The following RUNX2 variants were observed in gnomAD, a reference collection of about 807,000 sequenced individuals.
The protein encoded by RUNX2 is runt-related transcription factor 2.
RUNX2 carries 10 observed loss-of-function variants against 51.7 expected under a neutral mutation model. The observed-to-expected ratio is 0.19, with a 90% CI of 0.12 to 0.33. The LOEUF is 0.33. RUNX2 is among the 10% of genes least tolerant of loss of function. The pLI, the probability that RUNX2 is intolerant of heterozygous loss-of-function variation, is 1.00. For missense variants in RUNX2, 562 were observed against 691.3 expected (o/e 0.81, Z 2.10); for synonymous variants, 276 against 273.6 (o/e 1.01, Z -0.09).
chr6:45,328,652 T>C lies in RUNX2; in HGVS notation c.-66-9T>C. 1 of 1,611,006 alleles carries C rather than the reference T, an allele frequency of 6.2e-7. No individual in the cohort carries two copies. On this transcript the variant is annotated splice_polypyrimidine_tract_variant and intron_variant, in intron 1 of 8. Transcript: ENST00000647337. The stretch of plus-strand genomic sequence containing the variant: ...TAAAACAAGGTTTGGGTATGGTTTG[T>C]ATTTTCAGTTTAAGGCTGCAAGCAG...
intron 5 of RUNX2, among the ~76,000 whole-genome samples, chr6:45,458,176 G>A (rs184696974): frequency 1.0e-3 from 158 of 152,122 alleles, no homozygotes; most frequent in African/African-American, 3.8e-3. Context: ...ACAGGTGCCT[G>A]CCACCATGCC....
intron 2 of RUNX2, among the ~76,000 whole-genome samples, chr6:45,390,161 A>G (rs2150346531): frequency 6.6e-6 from 1 of 152,344 alleles, no homozygotes; most frequent in African/African-American, 2.4e-5. Context: ...CAACCTTCAG[A>G]TTCTTTGGCT....
intron 7 of RUNX2, among the ~76,000 whole-genome samples, chr6:45,543,289 G>T (rs1316759148): frequency 6.6e-6 from 1 of 152,110 alleles, no homozygotes; most frequent in African/African-American, 2.4e-5. Context: ...ATCTAGTGTT[G>T]GCTATAGCAC....
intron 7 of RUNX2, among the ~76,000 whole-genome samples, chr6:45,543,192 G>A (rs1362347648): frequency 3.3e-5 from 5 of 152,146 alleles, no homozygotes; most frequent in Admixed American, 1.3e-4. Context: ...GAAAATGCAC[G>A]ATGATTATCT....
intron 2 of RUNX2, among the ~76,000 whole-genome samples, chr6:45,350,238 T>C (rs1330361269): frequency 1.3e-5 from 2 of 152,194 alleles, no homozygotes; most frequent in African/African-American, 2.4e-5. Flanking sequence ...GAATGGTGCA[T>C]AGTACACAGT....
chr6:45,369,962 CAG>C (rs1795779861), intron 2 of RUNX2, among the ~76,000 whole-genome samples: 1 of 152,020 alleles, frequency 6.6e-6, no homozygotes, highest in Non-Finnish European at 1.5e-5. Flanking sequence ...GATATGAACA[CAG>C]GGGTAGCAAG....
chr6:45,449,491 A>G (rs1799096848), intron 5 of RUNX2, among the ~76,000 whole-genome samples: 1 of 152,230 alleles, frequency 6.6e-6, no homozygotes, highest in Non-Finnish European at 1.5e-5. Context: ...TTACTCTGCA[A>G]GTCAGCAGAT....
chr6:45,484,163 T>G (rs1308146818), intron 5 of RUNX2, among the ~76,000 whole-genome samples: 1 of 152,126 alleles, frequency 6.6e-6, no homozygotes, highest in Non-Finnish European at 1.5e-5. Flanking sequence ...GCTGCTACTC[T>G]GTTGTATTAG....
At chr6:45,412,249 G>C (rs1005391377) in intron 2 of RUNX2, among the ~76,000 whole-genome samples, 4 of 151,460 alleles carry the variant, frequency 2.6e-5, no homozygotes, top group Admixed American at 2.0e-4. Flanking sequence ...CCAGCTACTC[G>C]GGAGGCTGAG....
chr6:45,425,062 C>T (rs756886693), intron 3 of RUNX2, among the ~76,000 whole-genome samples: 6 of 151,608 alleles, frequency 4.0e-5, no homozygotes, highest in Non-Finnish European at 5.9e-5. Flanking sequence ...ACCAAAAGCC[C>T]CCAAAAACCC....
At position 45,431,876 on chromosome 6, in the gene RUNX2, G is replaced by T; in HGVS notation, c.437G>T (p.Gly146Val). 1 of 1,614,136 alleles carries T rather than the reference G, an allele frequency of 6.2e-7. No individual in the cohort carries two copies. The highest frequency in any genetic ancestry group is 1.1e-5 in the South Asian group (1 of 91,078). ...TGTTTTATGTAGGTGGTAGCCCTCGGAGAGGTACCAGATGGGACTGTGGTT... is the reference window on the plus strand; with the variant it reads ...TGTTTTATGTAGGTGGTAGCCCTCGTAGAGGTACCAGATGGGACTGTGGTT... The part of the protein sequence containing the change: ...LPVAFKVVAL[G>V]EVPDGTVVTV... Residue 146 changes from glycine to valine, a missense_variant, in exon 4 of 9, where the codon GGA (glycine) becomes GTA (valine). By Grantham distance (109) the Gly-to-Val change is moderately radical. Around this residue, in one of 5 missense-constraint regions of RUNX2, gnomAD observed 67 missense variants for 106.5 expected, o/e 0.63. Coordinates refer to ENST00000647337, the MANE Select transcript of RUNX2 (RefSeq NM_001024630.4).
At chr6:45,528,055 G>C (rs539011680) in intron 7 of RUNX2, among the ~76,000 whole-genome samples, 1 of 152,278 alleles carries the variant, frequency 6.6e-6, no homozygotes, top group Admixed American at 6.5e-5. Context: ...GCAGGCAAGA[G>C]AATGTGTACA....
At chr6:45,443,549 C>A (rs1235411846) in intron 5 of RUNX2, among the ~76,000 whole-genome samples, 2 of 152,206 alleles carry the variant, frequency 1.3e-5, no homozygotes, top group Admixed American at 1.3e-4. Context: ...GTCATTGTCA[C>A]AACAGGAAAA....
chr6:45,483,196 C>G (rs921049495), intron 5 of RUNX2, among the ~76,000 whole-genome samples: 2 of 152,158 alleles, frequency 1.3e-5, no homozygotes, highest in Non-Finnish European at 2.9e-5. Context: ...AACATGAAGA[C>G]AGTTTCTTAG....
At chr6:45,376,166 G>A (rs1393365443) in intron 2 of RUNX2, among the ~76,000 whole-genome samples, 1 of 152,128 alleles carries the variant, frequency 6.6e-6, no homozygotes, top group Non-Finnish European at 1.5e-5. Context: ...TACAACCTAG[G>A]AGACAACGTT....
At chr6:45,493,823 TATG>T (rs905107779) in intron 6 of RUNX2, among the ~76,000 whole-genome samples, 4 of 152,104 alleles carry the variant, frequency 2.6e-5, no homozygotes, top group African/African-American at 9.7e-5. Context: ...GTAATGGATT[TATG>T]ATGACTAATA....
At chr6:45,485,192 C>CTTTTTTTTTTTTTTTTT (rs199954113) in intron 5 of RUNX2, among the ~76,000 whole-genome samples, 7 of 139,362 alleles carry the variant, frequency 5.0e-5, no homozygotes, top group East Asian at 4.2e-4. Context: ...TTCTTTCTTT[C>CTTTTTTTTTTTTTTTTT]TTTTTTTTTT....
intron 6 of RUNX2, among the ~76,000 whole-genome samples, chr6:45,508,220 C>CTTTTTTTTTTTTTTT (rs61501897): frequency 4.6e-5 from 3 of 65,692 alleles, no homozygotes; most frequent in Non-Finnish European, 8.4e-5. Context: ...CTTATATTTC[C>CTTTTTTTTTTTTTTT]TTTTTTTTTT....
chr6:45,468,176 A>T (rs552331551), intron 5 of RUNX2, among the ~76,000 whole-genome samples: 32 of 152,356 alleles, frequency 2.1e-4, no homozygotes, highest in Admixed American at 5.9e-4. Context: ...CAAATGTATT[A>T]GGGCCAACAC....
Sources: allele counts gnomAD v4.1 joint callset (sites outside exome capture counted in the v4.1 genomes callset), GRCh38; gene constraint gnomAD v4.1.1; regional missense constraint gnomAD v4.1.1; transcripts MANE v1.5; gene names NCBI Gene and HGNC (gene_info 2026-07-23, HGNC 2026-07-21).